The following WASHC5 variants were observed in gnomAD, a reference collection of about 807,000 sequenced individuals.
WASHC5 encodes the protein WASH complex subunit 5.
A neutral mutation model predicts 150.4 loss-of-function variants in WASHC5; 101 were observed. The observed-to-expected ratio is 0.67, with a 90% CI of 0.57 to 0.79. The LOEUF is 0.79. Ranked by LOEUF, WASHC5 falls within the 30% of genes least tolerant of loss-of-function variation. The probability of loss-of-function intolerance (pLI) is 0.00; values close to 1 mark genes in which losing one functional copy is unlikely to be tolerated. For synonymous variants in WASHC5, 467 were observed against 491.2 expected (o/e 0.95, Z 0.65); for missense variants, 1,195 against 1,396.3 (o/e 0.86, Z 2.30).
chr8:125,070,109 T>TAGCC (rs1816856824), intron 9 of WASHC5, among the ~76,000 whole-genome samples: 1 of 152,200 alleles, frequency 6.6e-6, no homozygotes, highest in African/African-American at 2.4e-5. Context: ...CAAACTTCAG[T>TAGCC]AGCCAGCCAG....
intron 17 of WASHC5, among the ~76,000 whole-genome samples, chr8:125,052,629 C>T (rs948382118): frequency 3.4e-4 from 52 of 151,666 alleles, no homozygotes; most frequent in African/African-American, 1.1e-3. Context: ...CACACACACA[C>T]ACACACACAC....
chr8:125,025,257 A>T (rs1026870390), intron 28 of WASHC5, among the ~76,000 whole-genome samples: 16 of 151,904 alleles, frequency 1.1e-4, no homozygotes, highest in Non-Finnish European at 8.8e-5. Flanking sequence ...GCAGTGTTTA[A>T]TTTTTTTTCT....
At chr8:125,038,362 C>G (rs1450542597) in intron 25 of WASHC5, among the ~76,000 whole-genome samples, 1 of 152,102 alleles carries the variant, frequency 6.6e-6, no homozygotes, top group Admixed American at 6.5e-5. Flanking sequence ...CAGATTTTGC[C>G]ATGCAAAGAG....
At chr8:125,057,360 C>T (rs1422261549) in intron 15 of WASHC5, among the ~76,000 whole-genome samples, 196 bp downstream of exon 15, 1 of 152,076 alleles carries the variant, frequency 6.6e-6, no homozygotes, top group Non-Finnish European at 1.5e-5. Context: ...AATAAAAGTT[C>T]CTGGCAAGTA....
In WASHC5 at chr8:125,027,974, T is replaced by C. The variant is rs144229556; in HGVS notation, c.3423+646A>G. Among the ~76,000 whole-genome samples, 166 of 152,332 alleles carry C rather than the reference T, an allele frequency of 1.1e-3. 1 individual carries two copies. Among genetic ancestry groups the C allele is most frequent in the African/African-American group, 3.8e-3 (158 of 41,576 alleles). On this transcript the variant is annotated intron_variant, in intron 28 of 28. Transcript: ENST00000318410. ...AACATTTCACTATTATGTACTGACA[T>C]TGCTAGTTAATTTTAAAAGTTCATC...
At chr8:125,050,707 T>G in intron 17 of WASHC5, 42 bp from the exon 18 acceptor site, 1 of 1,496,128 alleles carries the variant, frequency 6.7e-7, no homozygotes, top group East Asian at 2.3e-5. Flanking sequence ...TTACGAAAAA[T>G]TCAGTCCTAA....
rs1197620696 is a variant in WASHC5, at chr8:125,091,652, CGGA to C, written c.-165_-163del. ...CCGCGCCACGGCGCACGCGCAGGGC[CGGA>C]GGTCGCGCGCGGAGCCGGCACCCAG... On this transcript the variant is annotated 5_prime_UTR_variant, in exon 1 of 29. Coordinates refer to ENST00000318410, the MANE Select transcript of WASHC5 (RefSeq NM_014846.4). 1 of 152,500 alleles carries C rather than the reference CGGA, an allele frequency of 6.6e-6. No homozygotes were observed. Among genetic ancestry groups the C allele is most frequent in the Non-Finnish European group, 1.5e-5 (1 of 68,292 alleles). 9.4% of individuals were successfully genotyped at this position (152,500 alleles called of 1,614,324 possible).
At chr8:125,034,952 T>G (rs1252515856) in intron 26 of WASHC5, among the ~76,000 whole-genome samples, 1 of 152,222 alleles carries the variant, frequency 6.6e-6, no homozygotes, top group Admixed American at 6.5e-5. Context: ...GAACGGTGTT[T>G]ACAAGGTTAA....
At chr8:125,045,726 G>A (rs372235913) in intron 20 of WASHC5, among the ~76,000 whole-genome samples, 12 of 152,170 alleles carry the variant, frequency 7.9e-5, no homozygotes, top group African/African-American at 2.9e-4. Context: ...TTCCCAAACT[G>A]CTTACAACTT....
At chr8:125,043,640 C>T (rs922351779) in intron 23 of WASHC5, among the ~76,000 whole-genome samples, 185 bp downstream of exon 23, 2 of 152,162 alleles carry the variant, frequency 1.3e-5, no homozygotes, top group African/African-American at 4.8e-5. Flanking sequence ...AAAGCCTAAT[C>T]AAGAACAGAT....
At chr8:125,060,679 T>C in intron 12 of WASHC5, among the ~76,000 whole-genome samples, 1 of 152,104 alleles carries the variant, frequency 6.6e-6, no homozygotes, top group East Asian at 1.9e-4. Flanking sequence ...CATATGACCA[T>C]TATATAATTA....
rs533629279 is a variant in WASHC5, at chr8:125,035,390, G to A, written c.3181+1847C>T. Reference sequence around the variant, plus strand: ...ACAAAAAGTTATTCTTTAATGAAAAGAAGGTTCTTTCTGCACTGACAGTTC... The same window carrying A: ...ACAAAAAGTTATTCTTTAATGAAAAAAAGGTTCTTTCTGCACTGACAGTTC... On this transcript the variant is annotated intron_variant, in intron 26 of 28. Transcript: ENST00000318410. Among the ~76,000 whole-genome samples, 4 of 152,278 alleles carry A rather than the reference G, an allele frequency of 2.6e-5. No individual in the cohort carries two copies. The South Asian group carries it at 6.2e-4, about 24-fold the overall frequency.
intron 20 of WASHC5, among the ~76,000 whole-genome samples, chr8:125,046,984 T>A (rs1391787468): frequency 1.3e-5 from 2 of 152,180 alleles, no homozygotes; most frequent in Admixed American, 6.5e-5. Context: ...TAATGCTTGC[T>A]TGCCCATCGC....
intron 26 of WASHC5, 180 bp from the exon 27 acceptor site, chr8:125,032,574 C>T: frequency 1.4e-6 from 1 of 715,454 alleles, no homozygotes; most frequent in South Asian, 1.6e-5. Flanking sequence ...GTAGGGCATT[C>T]CAGGGGTCTG....
At position 125,050,564 on chromosome 8, in the gene WASHC5, C is replaced by T. The variant is rs1244780710; in HGVS notation, c.2199G>A (p.Lys733=). Residue 733 remains lysine (K), a splice_region_variant and synonymous_variant, in exon 18 of 29, where the codon AAG becomes AAA. Coordinates refer to ENST00000318410, the MANE Select transcript of WASHC5 (RefSeq NM_014846.4). ...CAGGCCCACTCTGGTCACTGGGTAC[C>T]TTGGCTCGAGGGTTGAATATCAGTC... is the stretch of plus-strand genomic sequence containing the variant. ...HRGLIFNPRA[K]PSELMPKLKE... 1.9e-6 allele frequency: 3 copies of T among 1,612,710 alleles called. No homozygotes were observed. Among genetic ancestry groups the T allele is most frequent in the Middle Eastern group, 1.7e-4 (1 of 6,054 alleles).
chr8:125,074,965 G>T (rs1398233367), intron 8 of WASHC5, 33 bp downstream of exon 8: 6 of 1,262,922 alleles, frequency 4.8e-6, no homozygotes, highest in Non-Finnish European at 7.0e-6. Flanking sequence ...TAGGCCTGCA[G>T]TTATCAGAGA....
chr8:125,045,436 A>C (rs1457155321), intron 20 of WASHC5, among the ~76,000 whole-genome samples: 1 of 152,180 alleles, frequency 6.6e-6, no homozygotes, highest in African/African-American at 2.4e-5. Context: ...CTTAACCACC[A>C]TTTCAATGGT....
chr8:125,046,553 C>T (rs554963994), intron 20 of WASHC5, among the ~76,000 whole-genome samples: 2 of 152,226 alleles, frequency 1.3e-5, no homozygotes, highest in South Asian at 2.1e-4. Flanking sequence ...ATTCTGGGTC[C>T]GTCATTTATT....
chr8:125,077,601 G>T (rs1817104358), intron 6 of WASHC5, among the ~76,000 whole-genome samples: 1 of 152,156 alleles, frequency 6.6e-6, no homozygotes, highest in Admixed American at 6.6e-5. Context: ...GAAGGACGTG[G>T]AATGAGAGGC....
Sources: allele counts gnomAD v4.1 joint callset (sites outside exome capture counted in the v4.1 genomes callset), GRCh38; gene constraint gnomAD v4.1.1; transcripts MANE v1.5; gene names NCBI Gene and HGNC (gene_info 2026-07-23, HGNC 2026-07-21).